The following NPTN variants were observed in gnomAD, a reference collection of about 807,000 sequenced individuals.
NPTN encodes the protein SDR-1.
NPTN carries 5 observed loss-of-function variants against 42.7 expected under a neutral mutation model. The ratio of observed to expected loss-of-function variants is 0.12; its 90% CI spans 0.06 to 0.25. The LOEUF (loss-of-function observed/expected upper bound fraction) is 0.25. NPTN is among the 10% of genes least tolerant of loss of function. The pLI is 1.00. For missense variants in NPTN, 307 were observed against 525.4 expected, an observed-to-expected ratio of 0.58 and a Z score of 4.06; for synonymous variants, 180 against 201.9, an observed-to-expected ratio of 0.89 and a Z score of 0.92.
Position 73,563,056 on chromosome 15 carries a change from C to T in NPTN, c.1136+180G>A, listed in dbSNP as rs560913849. ...GCCACTGGAAAACAAGACTGCATAA[C>T]CTATCCTGAGAATCAAGTGGTTTTT... On this transcript the variant is annotated intron_variant, in intron 7 of 8. Coordinates refer to ENST00000345330, the MANE Select transcript of NPTN (RefSeq NM_012428.4). Among the ~76,000 whole-genome samples the T allele has an allele frequency of 1.1e-4, 17 of 152,136 alleles. 1 individual carries two copies. The highest frequency in any genetic ancestry group is 4.1e-4 in the African/African-American group (17 of 41,496).
At chr15:73,576,950 G>A (rs115041985) in intron 4 of NPTN, among the ~76,000 whole-genome samples, 2,125 of 152,118 alleles carry the variant, frequency 0.014, 61 homozygotes, top group African/African-American at 0.048. Flanking sequence ...GAAAAATTAC[G>A]CTTCAAAAGA....
At position 73,597,927 on chromosome 15, in the gene NPTN, T is replaced by C. The variant is rs1191939231; in HGVS notation, c.92-558A>G. ...TGGGATTCAGAGTTCAAATTTCAAC[T>C]GAAAGAGTAGCAAATTTCTCTCTCA... On this transcript the variant is annotated intron_variant, in intron 1 of 8. Coordinates refer to ENST00000345330, the MANE Select transcript of NPTN (RefSeq NM_012428.4). The surrounding 1 kb of genome is among the most constrained non-coding windows in gnomAD (Gnocchi z 6.3). Among the ~76,000 whole-genome samples, 1 of 152,200 alleles carries C rather than the reference T, an allele frequency of 6.6e-6. No individual in the cohort carries two copies. Among genetic ancestry groups the C allele is most frequent in the African/African-American group, 2.4e-5 (1 of 41,456 alleles).
chr15:73,608,196 G>A (rs1897378782), intron 1 of NPTN, among the ~76,000 whole-genome samples: 1 of 152,194 alleles, frequency 6.6e-6, no homozygotes, highest in Non-Finnish European at 1.5e-5. Context: ...TTGAGGTCCT[G>A]TTTACCAAGG....
intron 1 of NPTN, among the ~76,000 whole-genome samples, chr15:73,629,190 A>T (rs1898595245): frequency 6.6e-6 from 1 of 152,218 alleles, no homozygotes; most frequent in Non-Finnish European, 1.5e-5. Context: ...GTGCTGCATT[A>T]TATCAGTAGT....
At chr15:73,628,793 A>T (rs537693750) in intron 1 of NPTN, among the ~76,000 whole-genome samples, 28 of 152,188 alleles carry the variant, frequency 1.8e-4, no homozygotes, top group African/African-American at 4.8e-4. Context: ...TTTTAAAGTT[A>T]AAATAAAGAT....
Position 73,561,884 on chromosome 15 carries a change from G to A in NPTN, c.*14+12C>T, listed in dbSNP as rs775968558. On this transcript the variant is annotated intron_variant, in intron 8 of 8. Transcript: ENST00000345330. ...TATAATTTTTAAGACTGCTACAGAAGGCCATACTTACATTGTAAGCAGTAC... is the reference window on the plus strand; with the variant it reads ...TATAATTTTTAAGACTGCTACAGAAAGCCATACTTACATTGTAAGCAGTAC... 4 of 1,576,734 alleles carry A rather than the reference G, an allele frequency of 2.5e-6. No homozygotes were observed. The highest frequency in any genetic ancestry group is 2.3e-5 in the East Asian group (1 of 44,362).
chr15:73,599,816 A>T (rs1027287912), intron 1 of NPTN, among the ~76,000 whole-genome samples: 4 of 152,104 alleles, frequency 2.6e-5, no homozygotes, highest in African/African-American at 7.2e-5. Flanking sequence ...GTCTTATCAC[A>T]TTATCTGTGA....
rs557929632 is a variant in NPTN, at chr15:73,615,461, C to T, written c.91+17664G>A. 8.5e-5 allele frequency among the ~76,000 whole-genome samples: 13 copies of T among 152,240 alleles called. No individual in the cohort carries two copies. In the South Asian group the frequency reaches 2.7e-3, roughly 32 times the overall value. On this transcript the variant is annotated intron_variant, in intron 1 of 8. Transcript: ENST00000345330. ...TACAGAGGAATGATGCACACCTTGG[C>T]AGTATACTTCCAGAGCTTGCAATCA...
Position 73,587,478 on chromosome 15 carries a change from G to A in NPTN, c.706+46C>T, listed in dbSNP as rs750766846. ...GGACTCCAGACCAAGGTACTGTCTT[G>A]GAAGGAGAGTGAGAGGCTCACACCA... On this transcript the variant is annotated intron_variant, in intron 4 of 8. Coordinates refer to ENST00000345330, the MANE Select transcript of NPTN (RefSeq NM_012428.4). The A allele has an allele frequency of 5.1e-6, 7 of 1,360,660 alleles. No individual in the cohort carries two copies. The Admixed American group carries it at 1.2e-4, about 23-fold the overall frequency. The allele number at this position is 1,360,660 out of a possible 1,614,324, so 84.3% of individuals were successfully genotyped here.
intron 6 of NPTN, chr15:73,567,679 G>A (rs780244530): frequency 6.1e-6 from 6 of 985,424 alleles, no homozygotes; most frequent in Non-Finnish European, 6.0e-6. Flanking sequence ...GGGCAGGGGT[G>A]GAAGCAGGAT....
At chr15:73,608,830 A>T (rs1286044310) in intron 1 of NPTN, among the ~76,000 whole-genome samples, 6 of 152,234 alleles carry the variant, frequency 3.9e-5, no homozygotes, top group Admixed American at 3.9e-4. Context: ...ATAGAATCAA[A>T]TGAACTTATT....
At chr15:73,611,504 C>CAT (rs1333484888) in intron 1 of NPTN, among the ~76,000 whole-genome samples, 1 of 151,946 alleles carries the variant, frequency 6.6e-6, no homozygotes, top group East Asian at 1.9e-4. Context: ...GAAAAGGGTA[C>CAT]ACAGTATGAT....
At chr15:73,563,772 G>T (rs1399919946) in intron 6 of NPTN, among the ~76,000 whole-genome samples, 1 of 152,212 alleles carries the variant, frequency 6.6e-6, no homozygotes, top group Non-Finnish European at 1.5e-5. Context: ...GTAATCTTTA[G>T]AAGAGTCTTT....
intron 1 of NPTN, among the ~76,000 whole-genome samples, chr15:73,620,846 GTAGCTTGGT>G (rs1354917368): frequency 1.3e-5 from 2 of 152,180 alleles, no homozygotes; most frequent in African/African-American, 2.4e-5. Context: ...GTCTGAATTT[GTAGCTTGGT>G]TTTTCTAATA....
At chr15:73,632,840 TC>T in intron 1 of NPTN, 1 of 340,690 alleles carries the variant, frequency 2.9e-6, no homozygotes, top group South Asian at 1.2e-4. Flanking sequence ...TTCCTCCGTG[TC>T]CCCTCGCCGA....
intron 4 of NPTN, among the ~76,000 whole-genome samples, chr15:73,581,481 T>C (rs1896041373): frequency 6.6e-6 from 1 of 152,202 alleles, no homozygotes; most frequent in Non-Finnish European, 1.5e-5. Context: ...CTGGCCTTGT[T>C]AGTCACATAT....
At chr15:73,616,572 AG>A (rs1289604371) in intron 1 of NPTN, among the ~76,000 whole-genome samples, 6 of 152,298 alleles carry the variant, frequency 3.9e-5, no homozygotes, top group Non-Finnish European at 8.8e-5. Context: ...TCAGTCCCTC[AG>A]GAAATCCCAA....
chr15:73,624,576 C>A (rs1184034919), intron 1 of NPTN, among the ~76,000 whole-genome samples: 1 of 152,068 alleles, frequency 6.6e-6, no homozygotes, highest in African/African-American at 2.4e-5. Context: ...ATCTTGTTGC[C>A]TTTTTTTCCT....
chr15:73,621,714 T>G (rs956670992), intron 1 of NPTN, among the ~76,000 whole-genome samples: 1 of 152,222 alleles, frequency 6.6e-6, no homozygotes, highest in African/African-American at 2.4e-5. Context: ...CATTTTATAT[T>G]TACAATGGTA....
Sources: allele counts gnomAD v4.1 joint callset (sites outside exome capture counted in the v4.1 genomes callset), GRCh38; gene constraint gnomAD v4.1.1; non-coding constraint Gnocchi (gnomAD v3.1); transcripts MANE v1.5; gene names NCBI Gene and HGNC (gene_info 2026-07-23, HGNC 2026-07-21).